The following SLC4A7 variants were observed in gnomAD, a reference collection of about 807,000 sequenced individuals.
SLC4A7 encodes the protein sodium bicarbonate cotransporter 3.
SLC4A7 carries 51 observed loss-of-function variants against 137.6 expected under a neutral mutation model. The ratio of observed to expected loss-of-function variants is 0.37; its 90% CI spans 0.30 to 0.47. SLC4A7 has a LOEUF of 0.47. Among genes scored for constraint, SLC4A7 ranks in the 20% least tolerant of loss-of-function variants. The probability of loss-of-function intolerance (pLI) is 1.00; values close to 1 mark genes in which losing one functional copy is unlikely to be tolerated. For missense variants in SLC4A7, 1,247 were observed against 1,525.4 expected (o/e 0.82, Z 3.04); for synonymous variants, 542 against 518.6 (o/e 1.05, Z -0.61).
At chr3:27,432,959 T>G (rs1330195203) in intron 6 of SLC4A7, among the ~76,000 whole-genome samples, 1 of 152,242 alleles carries the variant, frequency 6.6e-6, no homozygotes, top group Non-Finnish European at 1.5e-5. Flanking sequence ...TCTTTTACTC[T>G]TAAGATTGCT....
rs138260733 is a variant in SLC4A7 at position 27,431,518 on chromosome 3, G to A, written c.930C>T (p.Thr310=). The change falls in exon 7 of 26, where the codon ACC becomes ACT. Residue 310 remains threonine (T), a synonymous_variant. Coordinates refer to ENST00000454389, the MANE Select transcript of SLC4A7 (RefSeq NM_001321103.2). ...GACTGTTTTGAGGGGTGGGTACTGGGGTTGTACACCTTGAGCCTGCAGGGG... is the reference window on the plus strand; with the variant it reads ...GACTGTTTTGAGGGGTGGGTACTGGAGTTGTACACCTTGAGCCTGCAGGGG... The part of the protein sequence containing the change: ...AGTPAGSRCT[T]PVPTPQNSPP... The A allele has an allele frequency of 1.2e-4, 196 of 1,613,974 alleles. No individual in the cohort carries two copies. The highest frequency in any genetic ancestry group is 1.5e-4 in the Non-Finnish European group (178 of 1,180,016).
intron 1 of SLC4A7, among the ~76,000 whole-genome samples, chr3:27,473,131 A>G (rs2059322720): frequency 6.6e-6 from 1 of 151,796 alleles, no homozygotes; most frequent in African/African-American, 2.4e-5. Flanking sequence ...GAAAACATCT[A>G]TCTCAAAAAT....
At chr3:27,482,881 G>A (rs889951375) in intron 1 of SLC4A7, among the ~76,000 whole-genome samples, 1 of 152,136 alleles carries the variant, frequency 6.6e-6, no homozygotes, top group African/African-American at 2.4e-5. Context: ...TTCACTGTCT[G>A]GTGACTGAGT....
chr3:27,474,115 T>C (rs958964987), intron 1 of SLC4A7, among the ~76,000 whole-genome samples: 1 of 152,148 alleles, frequency 6.6e-6, no homozygotes, highest in Non-Finnish European at 1.5e-5. Flanking sequence ...ATTTTGAAAG[T>C]CTAACATTAT....
At chr3:27,454,779 G>A (rs989710935) in intron 1 of SLC4A7, among the ~76,000 whole-genome samples, 1 of 152,134 alleles carries the variant, frequency 6.6e-6, no homozygotes, top group African/African-American at 2.4e-5. Context: ...GGGATTAACT[G>A]CTCCCATTCC....
Position 27,390,006 on chromosome 3 carries a change from T to C in SLC4A7, c.3285A>G (p.Thr1095=), listed in dbSNP as rs1429099316. ...YVPLWKVHIF[T]VIQLTCLVLL... ...GGACCAAACAAGTAAGCTGAATGAC[T>C]GTGAAAATATGGACCTTCCAGAGCG... The change falls in exon 22 of 26, where the codon ACA becomes ACG. Residue 1095 remains threonine (T), a synonymous_variant. Transcript: ENST00000454389. 2 of 1,613,560 alleles carry C rather than the reference T, an allele frequency of 1.2e-6. No homozygotes were observed. The highest frequency in any genetic ancestry group is 1.7e-6 in the Non-Finnish European group (2 of 1,179,616).
intron 1 of SLC4A7, among the ~76,000 whole-genome samples, chr3:27,465,474 T>TAA (rs10564000): frequency 8.8e-5 from 11 of 125,456 alleles, no homozygotes; most frequent in South Asian, 5.3e-4. Context: ...GTAGGCACAG[T>TAA]AAAAAAAAAA....
chr3:27,472,390 A>G (rs1161260890), intron 1 of SLC4A7, among the ~76,000 whole-genome samples: 1 of 152,122 alleles, frequency 6.6e-6, no homozygotes, highest in African/African-American at 2.4e-5. Context: ...AAGTTCAAGA[A>G]CAGCCTGGCC....
Position 27,414,674 on chromosome 3 carries a change from A to G in SLC4A7, c.1660-2926T>C, listed in dbSNP as rs1388782205. Among the ~76,000 whole-genome samples, 6 of 152,164 alleles carry G rather than the reference A, an allele frequency of 3.9e-5. No homozygotes were observed. In the East Asian group the frequency reaches 5.8e-4, roughly 15 times the overall value. On this transcript the variant is annotated intron_variant, in intron 11 of 25. Transcript: ENST00000454389. Reference sequence around the variant, plus strand: ...CAGAACCCTTCTGCCAGATCAGCTGATATCAATTTGTTTTCTGGCACTACT... The same window carrying G: ...CAGAACCCTTCTGCCAGATCAGCTGGTATCAATTTGTTTTCTGGCACTACT...
intron 1 of SLC4A7, among the ~76,000 whole-genome samples, chr3:27,471,246 T>A (rs1258571886): frequency 1.3e-5 from 2 of 152,206 alleles, no homozygotes; most frequent in East Asian, 3.8e-4. Context: ...AACCTGCAGT[T>A]TGGAAAAGAT....
At chr3:27,419,915 G>T (rs1301407079) in intron 10 of SLC4A7, among the ~76,000 whole-genome samples, 1 of 151,820 alleles carries the variant, frequency 6.6e-6, no homozygotes, top group African/African-American at 2.4e-5. Context: ...TGTGACAGGC[G>T]CGGTGGCTCA....
intron 14 of SLC4A7, 151 bp from the exon 15 acceptor site, chr3:27,403,535 C>G (rs935055977): frequency 2.2e-6 from 1 of 461,312 alleles, no homozygotes; most frequent in South Asian, 5.2e-5. Context: ...CTAGAAATAA[C>G]TCTATATCTT....
chr3:27,464,565 G>A (rs754266380), intron 1 of SLC4A7, among the ~76,000 whole-genome samples: 5 of 152,074 alleles, frequency 3.3e-5, no homozygotes, highest in Admixed American at 1.3e-4. Flanking sequence ...GCGTGGTGGC[G>A]GGCGCCTTTA....
intron 12 of SLC4A7, among the ~76,000 whole-genome samples, chr3:27,410,184 A>G (rs967740149): frequency 4.6e-5 from 7 of 152,196 alleles, no homozygotes; most frequent in Non-Finnish European, 1.0e-4. Context: ...TTGTACATCA[A>G]AGCTGTACCA....
chr3:27,460,750 C>T (rs910664616), intron 1 of SLC4A7, among the ~76,000 whole-genome samples: 1 of 152,116 alleles, frequency 6.6e-6, no homozygotes, highest in Non-Finnish European at 1.5e-5. Flanking sequence ...TCATTTTACT[C>T]GATACGTATT....
intron 1 of SLC4A7, among the ~76,000 whole-genome samples, chr3:27,480,901 T>C (rs1168435338): frequency 6.6e-6 from 1 of 152,114 alleles, no homozygotes; most frequent in African/African-American, 2.4e-5. Context: ...CAAAATAAAC[T>C]CAGCGAAGGC....
At chr3:27,450,434 G>A (rs1423641284) in intron 2 of SLC4A7, among the ~76,000 whole-genome samples, 1 of 152,070 alleles carries the variant, frequency 6.6e-6, no homozygotes. Flanking sequence ...TTTATGTTAT[G>A]TGAATCTCAT....
intron 3 of SLC4A7, among the ~76,000 whole-genome samples, chr3:27,440,974 C>T (rs1157845218): frequency 2.0e-5 from 3 of 151,528 alleles, no homozygotes; most frequent in South Asian, 2.1e-4. Flanking sequence ...GAACCCAGGA[C>T]GCAGAGGTTG....
chr3:27,484,051 G>T lies in SLC4A7; in HGVS notation c.60+16C>A. The stretch of plus-strand genomic sequence containing the variant: ...CCTCCCCCTGCGGAGGAGCCCCACC[G>T]CCGCGGCGCCCTCACCCTGCTCGTT... On this transcript the variant is annotated intron_variant, in intron 1 of 25. Transcript: ENST00000454389. The T allele has an allele frequency of 7.2e-7, 1 of 1,392,192 alleles. No individual in the cohort carries two copies. Among genetic ancestry groups the T allele is most frequent in the Non-Finnish European group, 9.4e-7 (1 of 1,068,948 alleles). 86.2% of individuals were successfully genotyped at this position (1,392,192 alleles called of 1,614,324 possible).
Sources: gnomAD v4.1 joint callset for allele counts (sites outside exome capture counted in the v4.1 genomes callset) on GRCh38, gnomAD v4.1.1 for gene constraint, MANE v1.5 for transcripts, NCBI Gene and HGNC (gene_info 2026-07-23, HGNC 2026-07-21) for gene names.